Variants in TOMM7 observed in about 807,000 individuals in gnomAD.
TOMM7 encodes mitochondrial import receptor subunit TOM7 homolog.
In TOMM7, 8 loss-of-function variants were observed where a neutral mutation model predicts 9.5. That is an observed-to-expected ratio of 0.84 (90% CI 0.49 to 1.51). The LOEUF is 1.51. Ranked by LOEUF, TOMM7 falls within the 40% of genes most tolerant of loss-of-function variation. TOMM7 has a pLI of 0.00. For synonymous variants in TOMM7, 27 were observed against 21.4 expected (o/e 1.26, Z -0.72); for missense variants, 74 against 63.7 (o/e 1.16, Z -0.55).
intron 2 of TOMM7, chr7:22,817,725 G>A (rs1782334815): frequency 3.0e-6 from 1 of 333,368 alleles, no homozygotes; most frequent in Non-Finnish European, 5.6e-6. Context: ...GGATAAGACG[G>A]GAATATGAGA....
intron 2 of TOMM7, among the ~76,000 whole-genome samples, chr7:22,815,640 C>T (rs1208143259): frequency 6.6e-6 from 1 of 152,054 alleles, no homozygotes. Context: ...GCTTATGAGA[C>T]AAAATATAGT....
chr7:22,815,800 C>T (rs541857149), intron 2 of TOMM7, among the ~76,000 whole-genome samples: 207 of 151,482 alleles, frequency 1.4e-3, no homozygotes, highest in Middle Eastern at 3.4e-3. Flanking sequence ...GGCAACAGGG[C>T]GAGATCCTGC....
chr7:22,817,836 T>A, intron 2 of TOMM7, 164 bp downstream of exon 2: 1 of 596,508 alleles, frequency 1.7e-6, no homozygotes, highest in Non-Finnish European at 3.0e-6. Context: ...AAATACAAAT[T>A]AGGAGGGGGA....
intron 1 of TOMM7, chr7:22,822,211 A>G (rs1782402696): frequency 2.6e-6 from 4 of 1,550,992 alleles, no homozygotes; most frequent in Non-Finnish European, 3.5e-6. Flanking sequence ...CAGGTAAGAA[A>G]GCAGAGGCAT....
intron 1 of TOMM7, chr7:22,822,444 G>A (rs1782406480): frequency 2.6e-6 from 2 of 759,156 alleles, no homozygotes; most frequent in Non-Finnish European, 4.2e-6. Context: ...CTTTAAGGAT[G>A]CAAAAATAGA....
intron 1 of TOMM7, among the ~76,000 whole-genome samples, chr7:22,818,821 A>G (rs528912381): frequency 7.2e-5 from 11 of 152,124 alleles, no homozygotes; most frequent in African/African-American, 2.7e-4. Flanking sequence ...TATACAGTTC[A>G]AGGCTGGTCT....
rs1379483828 is a variant in TOMM7, at chr7:22,813,108, A to G, written c.*62T>C. 6.3e-6 allele frequency: 10 copies of G among 1,583,426 alleles called. No homozygotes were observed. Among genetic ancestry groups the G allele is most frequent in the Non-Finnish European group, 8.7e-6 (10 of 1,152,158 alleles). On this transcript the variant is annotated 3_prime_UTR_variant, in exon 3 of 3. Transcript: ENST00000358435. The stretch of plus-strand genomic sequence containing the variant: ...TGATGTCCCATCTCTTATCCGAGCC[A>G]GAGCACACATCTTCCATGCTGTCCG...
chr7:22,818,328 G>A, intron 1 of TOMM7: 1 of 282,000 alleles, frequency 3.5e-6, no homozygotes, highest in Non-Finnish European at 6.9e-6. Context: ...GAGTGCTGTG[G>A]TATGATCTCG....
Position 22,822,636 on chromosome 7 carries a change from C to T in TOMM7, c.103+41G>A, listed in dbSNP as rs756591724. The T allele has an allele frequency of 1.3e-5, 21 of 1,562,984 alleles. No individual in the cohort carries two copies. In the East Asian group the frequency reaches 3.6e-4, roughly 27 times the overall value. On this transcript the variant is annotated intron_variant, in intron 1 of 2. Coordinates refer to ENST00000358435, the MANE Select transcript of TOMM7 (RefSeq NM_019059.5). ...AAATGGGGCTGCTGTCTCCGCCACC[C>T]TCTTCCCTCCAGTCACTTTCCCGGT...
intron 1 of TOMM7, among the ~76,000 whole-genome samples, chr7:22,819,581 G>A (rs1782360613): frequency 6.6e-6 from 1 of 152,194 alleles, no homozygotes; most frequent in African/African-American, 2.4e-5. Context: ...ATGTTGGTCA[G>A]CCTGGTCTCG....
chr7:22,821,524 G>C (rs902380827), intron 1 of TOMM7, among the ~76,000 whole-genome samples: 2 of 152,134 alleles, frequency 1.3e-5, no homozygotes, highest in Admixed American at 6.5e-5. Context: ...AGGGGAGGTA[G>C]CTAACTTGAG....
At chr7:22,816,146 C>T (rs1330607880) in intron 2 of TOMM7, among the ~76,000 whole-genome samples, 1 of 152,196 alleles carries the variant, frequency 6.6e-6, no homozygotes, top group Non-Finnish European at 1.5e-5. Context: ...TTACTGATCA[C>T]GTATTACTTG....
At chr7:22,820,021 A>G (rs951181556) in intron 1 of TOMM7, among the ~76,000 whole-genome samples, 8 of 152,150 alleles carry the variant, frequency 5.3e-5, no homozygotes, top group Non-Finnish European at 8.8e-5. Flanking sequence ...TTTTAGTGAG[A>G]GTTGAGGTGG....
intron 2 of TOMM7, among the ~76,000 whole-genome samples, chr7:22,814,463 G>A (rs62448356): frequency 0.071 from 10,737 of 151,862 alleles, 491 homozygotes; most frequent in South Asian, 0.12. Flanking sequence ...AGGCTGCAGT[G>A]AGCCATGACT....
intron 2 of TOMM7, among the ~76,000 whole-genome samples, chr7:22,814,833 G>C (rs545364038): frequency 1.3e-5 from 2 of 152,196 alleles, no homozygotes; most frequent in South Asian, 4.1e-4. Flanking sequence ...ATAATTAACT[G>C]TATTATTTAC....
intron 1 of TOMM7, among the ~76,000 whole-genome samples, chr7:22,821,443 C>T (rs4722190): frequency 6.7e-6 from 1 of 149,398 alleles, no homozygotes; most frequent in African/African-American, 2.5e-5. Context: ...AAAACTACAG[C>T]CTGGCCGCGG....
chr7:22,815,483 C>G (rs1782306308), intron 2 of TOMM7, among the ~76,000 whole-genome samples: 2 of 151,202 alleles, frequency 1.3e-5, no homozygotes, highest in African/African-American at 4.9e-5. Flanking sequence ...ACTGCTTGAG[C>G]CCAGAAGTTC....
intron 2 of TOMM7, among the ~76,000 whole-genome samples, chr7:22,814,201 T>C (rs913162351): frequency 1.1e-4 from 17 of 148,712 alleles, no homozygotes; most frequent in African/African-American, 4.0e-4. Flanking sequence ...AATACAAAAA[T>C]TAGCCGGACT....
intron 2 of TOMM7, among the ~76,000 whole-genome samples, chr7:22,813,814 T>C (rs983552140): frequency 3.6e-5 from 5 of 138,726 alleles, no homozygotes; most frequent in African/African-American, 1.4e-4. Flanking sequence ...CAATAGAGTG[T>C]AGGAAGGAGA....
Sources: gnomAD v4.1 joint callset for allele counts (sites outside exome capture counted in the v4.1 genomes callset) on GRCh38, gnomAD v4.1.1 for gene constraint, MANE v1.5 for transcripts, NCBI Gene and HGNC (gene_info 2026-07-23, HGNC 2026-07-21) for gene names.